The following NRXN3 variants were observed in gnomAD, a reference collection of about 807,000 sequenced individuals.
The protein encoded by NRXN3 is neurexin 3, also known as neurexin III.
Under a neutral mutation model 137.6 loss-of-function variants are expected in NRXN3, and 32 were observed. The observed-to-expected ratio is 0.23, with a 90% CI of 0.18 to 0.31. The LOEUF (loss-of-function observed/expected upper bound fraction) is 0.31, where lower values mean the gene tolerates loss of function less well. Among genes scored for constraint, NRXN3 ranks in the 10% least tolerant of loss-of-function variants. NRXN3 has a pLI of 1.00. For synonymous variants in NRXN3, 798 were observed against 784.5 expected, an observed-to-expected ratio of 1.02 and a Z score of -0.29; for missense variants, 1,574 against 2,062.5, an observed-to-expected ratio of 0.76 and a Z score of 4.59.
At chr14:79,213,031 C>T (rs557542752) in intron 15 of NRXN3, among the ~76,000 whole-genome samples, 41 of 151,954 alleles carry the variant, frequency 2.7e-4, no homozygotes, top group African/African-American at 8.4e-4. Flanking sequence ...ATATTTTTTT[C>T]GGGTTGCAAT....
intron 16 of NRXN3, among the ~76,000 whole-genome samples, chr14:79,598,368 C>T (rs990551323): frequency 5.3e-5 from 8 of 152,086 alleles, no homozygotes; most frequent in African/African-American, 1.9e-4. Context: ...GGAATTTTCC[C>T]CTGAACATTC....
chr14:79,389,421 G>A (rs770313504), intron 15 of NRXN3, among the ~76,000 whole-genome samples: 8 of 152,170 alleles, frequency 5.3e-5, no homozygotes, highest in African/African-American at 1.2e-4. Flanking sequence ...CATTCATGAC[G>A]GCAGAGCCCT....
At chr14:78,334,273 G>A (rs1197185852) in intron 4 of NRXN3, among the ~76,000 whole-genome samples, 1 of 152,158 alleles carries the variant, frequency 6.6e-6, no homozygotes, top group African/African-American at 2.4e-5. Context: ...ATACACTTGA[G>A]GGTCACCAGC....
chr14:79,074,765 T>C (rs942096619), intron 15 of NRXN3: 1 of 152,234 alleles, frequency 6.6e-6, no homozygotes, highest in African/African-American at 2.4e-5. Flanking sequence ...CATATCTTGT[T>C]GTGTTTATGA....
intron 6 of NRXN3, among the ~76,000 whole-genome samples, chr14:78,697,364 T>C (rs2098237340): frequency 6.6e-6 from 1 of 152,046 alleles, no homozygotes. Context: ...GCCTATAATT[T>C]TATATGTTAT....
At chr14:78,750,122 T>G (rs373447110) in intron 8 of NRXN3, among the ~76,000 whole-genome samples, 2 of 152,332 alleles carry the variant, frequency 1.3e-5, no homozygotes, top group African/African-American at 4.8e-5. Flanking sequence ...CCAACCATTC[T>G]AGAGGATAAA....
chr14:79,316,958 C>T (rs753927132), intron 15 of NRXN3, among the ~76,000 whole-genome samples: 2 of 152,166 alleles, frequency 1.3e-5, no homozygotes, highest in Admixed American at 6.5e-5. Flanking sequence ...GGGCTGGACA[C>T]GGTGGCTCAC....
At chr14:79,416,474 A>T (rs1159720626) in intron 15 of NRXN3, among the ~76,000 whole-genome samples, 2 of 152,180 alleles carry the variant, frequency 1.3e-5, no homozygotes, top group Non-Finnish European at 2.9e-5. Context: ...AATCAAATGC[A>T]AACAATACCA....
At chr14:78,456,827 T>TTCTTTCTC (rs1555540033) in intron 4 of NRXN3, among the ~76,000 whole-genome samples, 1 of 127,790 alleles carries the variant, frequency 7.8e-6, no homozygotes, top group African/African-American at 2.6e-5. Flanking sequence ...CTTTCTTTCT[T>TTCTTTCTC]TCTTTCTTTC....
chr14:79,021,125 T>G (rs1191001744), intron 15 of NRXN3, among the ~76,000 whole-genome samples: 1 of 151,932 alleles, frequency 6.6e-6, no homozygotes, highest in African/African-American at 2.4e-5. Flanking sequence ...GGGACTATGT[T>G]GGACACTTGA....
chr14:78,660,602 C>T (rs972096896), intron 6 of NRXN3, among the ~76,000 whole-genome samples: 2 of 152,160 alleles, frequency 1.3e-5, no homozygotes, highest in African/African-American at 4.8e-5. Flanking sequence ...TGGCCACTAT[C>T]TTGCCACCAT....
At chr14:78,810,388 A>C (rs774377696) in intron 10 of NRXN3, 44 bp downstream of exon 10, 54 of 1,066,864 alleles carry the variant, frequency 5.1e-5, no homozygotes, top group African/African-American at 1.2e-4. Context: ...AAAAAAAAAA[A>C]ACAAAACTGA....
chr14:79,774,015 T>C lies in NRXN3; in HGVS notation c.4015-31097T>C, dbSNP rs114545108. 4.5e-3 allele frequency among the ~76,000 whole-genome samples: 683 copies of C among 152,112 alleles called. 4 individuals carry two copies. The highest frequency in any genetic ancestry group is 0.015 in the African/African-American group (641 of 41,494). On this transcript the variant is annotated intron_variant, in intron 19 of 20. Transcript: ENST00000335750. ...TGTCCCACTCTTAACTGGGGAAAATTGGGTGGGTAGATACAAAAGAACCCT... is the reference window on the plus strand; with the variant it reads ...TGTCCCACTCTTAACTGGGGAAAATCGGGTGGGTAGATACAAAAGAACCCT...
chr14:79,234,314 A>ATATATATATATATATAATATT, intron 15 of NRXN3, among the ~76,000 whole-genome samples: 1 of 107,764 alleles, frequency 9.3e-6, no homozygotes, highest in Middle Eastern at 4.6e-3. Context: ...ATATATATAT[A>ATATATATATATATATAATATT]TATATATATA....
chr14:79,034,392 A>G (rs1245705194), intron 15 of NRXN3, among the ~76,000 whole-genome samples: 2 of 150,740 alleles, frequency 1.3e-5, no homozygotes, highest in African/African-American at 5.0e-5. Flanking sequence ...TTTTTGGAAA[A>G]AAAACATGTT....
At chr14:78,289,397 C>T (rs138665121) in intron 3 of NRXN3, among the ~76,000 whole-genome samples, 52 of 152,258 alleles carry the variant, frequency 3.4e-4, no homozygotes, top group African/African-American at 1.1e-3. Flanking sequence ...CAGTTTAATA[C>T]AGTCCTGCCC....
intron 8 of NRXN3, among the ~76,000 whole-genome samples, chr14:78,742,716 A>G (rs2098584207): frequency 6.6e-6 from 1 of 152,198 alleles, no homozygotes; most frequent in Non-Finnish European, 1.5e-5. Flanking sequence ...AGCCTATTTT[A>G]ACTATGTAAT....
At chr14:78,536,632 A>G (rs1036785153) in intron 4 of NRXN3, among the ~76,000 whole-genome samples, 1 of 151,834 alleles carries the variant, frequency 6.6e-6, no homozygotes, top group Non-Finnish European at 1.5e-5. Context: ...TTATACTTTA[A>G]GTTCTAGGGT....
At chr14:78,848,775 T>C (rs2099034723) in intron 10 of NRXN3, among the ~76,000 whole-genome samples, 1 of 152,130 alleles carries the variant, frequency 6.6e-6, no homozygotes, top group Non-Finnish European at 1.5e-5. Flanking sequence ...AGCAATTTGT[T>C]TCTGTAGGCA....
Sources: gnomAD v4.1 joint callset for allele counts (sites outside exome capture counted in the v4.1 genomes callset) on GRCh38, gnomAD v4.1.1 for gene constraint, MANE v1.5 for transcripts, NCBI Gene and HGNC (gene_info 2026-07-23, HGNC 2026-07-21) for gene names.